STX18: variants seen among roughly 807,000 people sequenced by gnomAD.
STX18 encodes the protein syntaxin 18.
STX18 carries 40 observed loss-of-function variants against 50.1 expected under a neutral mutation model. The observed-to-expected ratio is 0.80, with a 90% CI of 0.62 to 1.04. The LOEUF (loss-of-function observed/expected upper bound fraction) is 1.04. Ranked by LOEUF, STX18 falls within the 50% of genes least tolerant of loss-of-function variation. The probability of loss-of-function intolerance (pLI) is 0.00; values close to 1 mark genes in which losing one functional copy is unlikely to be tolerated. For missense variants in STX18, 410 were observed against 415.8 expected (o/e 0.99, Z 0.12); for synonymous variants, 158 against 151.8 (o/e 1.04, Z -0.30).
intron 5 of STX18, among the ~76,000 whole-genome samples, chr4:4,442,801 A>AT (rs1361062665): frequency 8.1e-6 from 1 of 122,770 alleles, no homozygotes; most frequent in Non-Finnish European, 1.6e-5. Flanking sequence ...TAACAAGTTT[A>AT]TTAAAAAAAA....
intron 1 of STX18, among the ~76,000 whole-genome samples, chr4:4,495,685 C>T (rs11942972): frequency 0.072 from 10,767 of 150,440 alleles, 1,242 homozygotes; most frequent in African/African-American, 0.24. Flanking sequence ...AATTGTACAA[C>T]TAAACGCAAA....
chr4:4,456,895 T>C (rs1398456800), intron 5 of STX18, among the ~76,000 whole-genome samples: 2 of 152,172 alleles, frequency 1.3e-5, no homozygotes, highest in Non-Finnish European at 2.9e-5. Context: ...ACCCCAGCTA[T>C]GCTACCTGTG....
intron 1 of STX18, among the ~76,000 whole-genome samples, chr4:4,540,604 T>C (rs1731540345): frequency 6.6e-6 from 1 of 152,214 alleles, no homozygotes. Flanking sequence ...ACACAACACC[T>C]GCAAGGCTTT....
chr4:4,541,956 C>A lies in STX18; in HGVS notation c.9G>T (p.Val3=). 1.9e-6 allele frequency: 3 copies of A among 1,603,930 alleles called. No homozygotes were observed. The highest frequency in any genetic ancestry group is 2.6e-6 in the Non-Finnish European group (3 of 1,176,314). Residue 3 remains valine (V), a synonymous_variant, in exon 1 of 11, where the codon GTG becomes GTT. Transcript: ENST00000306200. MA[V]DITLLFRASV... is the part of the protein sequence containing the mutation. ...TGGCCCGGAATAGCAGCGTGATGTC[C>A]ACCGCCATAGCGACCCGCACCCTCA...
intron 5 of STX18, among the ~76,000 whole-genome samples, chr4:4,442,385 A>G (rs1577326143): frequency 6.6e-6 from 1 of 152,212 alleles, no homozygotes; most frequent in Middle Eastern, 3.4e-3. Context: ...GCACTTTGGG[A>G]GGCCGAGGAG....
rs1489494061 is a variant in STX18 at position 4,434,081 on chromosome 4, G to C, written c.702+689C>G. Among the ~76,000 whole-genome samples, 3 of 152,356 alleles carry C rather than the reference G, an allele frequency of 2.0e-5. No individual in the cohort carries two copies. The South Asian group carries it at 6.2e-4, about 32-fold the overall frequency. The stretch of plus-strand genomic sequence containing the variant: ...ACACTTAAAATGCTATCACTTGCCA[G>C]GCACAGTCACTGGAGGCGTGCCGTG... On this transcript the variant is annotated intron_variant, in intron 7 of 10. Transcript: ENST00000306200.
At chr4:4,534,900 G>A (rs188008532) in intron 1 of STX18, among the ~76,000 whole-genome samples, 1 of 152,352 alleles carries the variant, frequency 6.6e-6, no homozygotes, top group East Asian at 1.9e-4. Context: ...GCAGTGGGCC[G>A]GATTTGGCCT....
chr4:4,529,276 G>T (rs1730965224), intron 1 of STX18, among the ~76,000 whole-genome samples: 1 of 152,192 alleles, frequency 6.6e-6, no homozygotes, highest in Non-Finnish European at 1.5e-5. Context: ...GCACGAGAAT[G>T]GAGTGAACCA....
chr4:4,440,334 C>T (rs1287768821), intron 5 of STX18, among the ~76,000 whole-genome samples: 1 of 152,042 alleles, frequency 6.6e-6, no homozygotes, highest in Non-Finnish European at 1.5e-5. Context: ...TTCGAATATC[C>T]CCATCAGGTA....
chr4:4,494,904 CAGG>C (rs1217079657), intron 1 of STX18, among the ~76,000 whole-genome samples: 1 of 152,140 alleles, frequency 6.6e-6, no homozygotes, highest in Non-Finnish European at 1.5e-5. Context: ...AACCTGAAAG[CAGG>C]AGAAGAGGGA....
chr4:4,448,364 C>G (rs2108803984), intron 5 of STX18, among the ~76,000 whole-genome samples: 1 of 148,836 alleles, frequency 6.7e-6, no homozygotes, highest in East Asian at 1.9e-4. Flanking sequence ...TTTTTTTTGA[C>G]AGAGTCTCAC....
chr4:4,488,959 A>G (rs1202635154), intron 1 of STX18, among the ~76,000 whole-genome samples: 1 of 152,132 alleles, frequency 6.6e-6, no homozygotes, highest in East Asian at 1.9e-4. Flanking sequence ...TTCAACATCC[A>G]TTCTGCTTGT....
At chr4:4,465,577 G>A (rs1050102225) in intron 2 of STX18, among the ~76,000 whole-genome samples, 5 of 152,138 alleles carry the variant, frequency 3.3e-5, no homozygotes, top group African/African-American at 9.7e-5. Context: ...GACATGAGGC[G>A]GTGGGGAACA....
chr4:4,477,968 C>A (rs1344978494), intron 1 of STX18: 2 of 152,078 alleles, frequency 1.3e-5, no homozygotes, highest in Admixed American at 1.3e-4. Flanking sequence ...AACGATCGTA[C>A]GAATTAGACA....
chr4:4,447,371 C>T (rs1042765657), intron 5 of STX18, among the ~76,000 whole-genome samples: 4 of 151,842 alleles, frequency 2.6e-5, no homozygotes, highest in South Asian at 4.2e-4. Context: ...GGGCGGATCA[C>T]GAGGTCAGGA....
At chr4:4,478,231 A>C (rs552914766) in intron 1 of STX18, among the ~76,000 whole-genome samples, 1 of 150,126 alleles carries the variant, frequency 6.7e-6, no homozygotes, top group Non-Finnish European at 1.5e-5. Context: ...CGGCAAAAAA[A>C]AAAAACAAAA....
intron 1 of STX18, chr4:4,507,865 A>ATG (rs1729800983): frequency 1.7e-6 from 1 of 605,480 alleles, no homozygotes; most frequent in South Asian, 2.1e-5. Flanking sequence ...AGCTAGAAAA[A>ATG]TATACGAGTT....
chr4:4,519,436 A>G lies in STX18; in HGVS notation c.168+22361T>C, dbSNP rs1730419384. ...TCTAGTCAAATGTTAAGCTTTATGG[A>G]AAGTCCTAATGAAATTTTCAGGGAA... is the stretch of plus-strand genomic sequence containing the variant. On this transcript the variant is annotated intron_variant, in intron 1 of 10. Transcript: ENST00000306200. Among the ~76,000 whole-genome samples, 3 of 152,288 alleles carry G rather than the reference A, an allele frequency of 2.0e-5. No individual in the cohort carries two copies. The South Asian group carries it at 6.2e-4, about 32-fold the overall frequency.
At chr4:4,476,137 C>CTGA (rs1356243599) in intron 1 of STX18, 1 of 152,210 alleles carries the variant, frequency 6.6e-6, no homozygotes, top group African/African-American at 2.4e-5. Flanking sequence ...TTCCATCAGA[C>CTGA]TGATGGTCTA....
Sources: gnomAD v4.1 joint callset for allele counts (sites outside exome capture counted in the v4.1 genomes callset) on GRCh38, gnomAD v4.1.1 for gene constraint, MANE v1.5 for transcripts, NCBI Gene and HGNC (gene_info 2026-07-23, HGNC 2026-07-21) for gene names.